ATP2B1: variants seen among roughly 807,000 people sequenced by gnomAD.
The protein encoded by ATP2B1 is ATPase plasma membrane Ca2+ transporting 1, also known as plasma membrane calcium-transporting ATPase 1.
A neutral mutation model predicts 124.2 loss-of-function variants in ATP2B1; 14 were observed. The observed-to-expected ratio is 0.11, with a 90% confidence interval of 0.07 to 0.18. The LOEUF is 0.18. ATP2B1 is among the 10% of genes least tolerant of loss of function. The probability of loss-of-function intolerance (pLI) is 1.00; values close to 1 mark genes in which losing one functional copy is unlikely to be tolerated. For missense variants in ATP2B1, 763 were observed against 1,466.1 expected, an observed-to-expected ratio of 0.52 and a Z score of 7.83; for synonymous variants, 449 against 492.4, an observed-to-expected ratio of 0.91 and a Z score of 1.17.
chr12:89,609,145 G>T (rs1014539624), intron 15 of ATP2B1, among the ~76,000 whole-genome samples: 1 of 152,076 alleles, frequency 6.6e-6, no homozygotes, highest in African/African-American at 2.4e-5. Context: ...ACTGTGATTC[G>T]GAATTCAGTC....
At chr12:89,674,706 T>A (rs1592941021) in intron 1 of ATP2B1, among the ~76,000 whole-genome samples, 1 of 152,170 alleles carries the variant, frequency 6.6e-6, no homozygotes, top group African/African-American at 2.4e-5. Context: ...GTGAGGCAGG[T>A]TAAGAAATTT....
rs909072014 is a variant in ATP2B1, at chr12:89,590,857, G to A, written c.*127C>T. 2.0e-5 allele frequency: 19 copies of A among 932,404 alleles called. No individual in the cohort carries two copies. In the South Asian group the frequency reaches 2.2e-4, roughly 11 times the overall value. The allele number at this position is 932,404 out of a possible 1,614,324, so 57.8% of individuals were successfully genotyped here. A position where few individuals can be genotyped will look rare whatever the true frequency, so the allele number is the denominator to read the frequency against. On this transcript the variant is annotated 3_prime_UTR_variant, in exon 21 of 21. Transcript: ENST00000428670. Reference sequence around the variant, plus strand: ...TTTTTAAAAAAATAAATCTACATTCGTACAAGTGTGTCTTCTGTTGAAGTC... The same window carrying A: ...TTTTTAAAAAAATAAATCTACATTCATACAAGTGTGTCTTCTGTTGAAGTC...
chr12:89,621,867 A>G, intron 9 of ATP2B1, 76 bp from the exon 10 acceptor site: 1 of 1,326,498 alleles, frequency 7.5e-7, no homozygotes, highest in Admixed American at 2.8e-5. Flanking sequence ...AATGATTATA[A>G]ATTGTTTTAA....
rs551158053 is a variant in ATP2B1 at position 89,686,251 on chromosome 12, A to G, written c.-222+22345T>C. On this transcript the variant is annotated intron_variant, in intron 1 of 20. Transcript: ENST00000428670. ...CCCTAATCCCTTGAGAAGATAAACC[A>G]AAAGTATATCCAGCTTAAGCTGTTA... Among the ~76,000 whole-genome samples the G allele has an allele frequency of 1.3e-3, 198 of 152,262 alleles. 2 individuals are homozygous for G. Among genetic ancestry groups the G allele is most frequent in the Admixed American group, 3.3e-3 (50 of 15,272 alleles).
At chr12:89,630,766 AATATAAAT>A (rs1016194734) in intron 5 of ATP2B1, 121 bp from the exon 6 acceptor site, 8 of 279,956 alleles carry the variant, frequency 2.9e-5, no homozygotes, top group South Asian at 1.8e-4. Context: ...AATATATATA[AATATAAAT>A]ATATAAATAT....
intron 2 of ATP2B1, among the ~76,000 whole-genome samples, chr12:89,646,474 G>C (rs1205659633): frequency 6.6e-6 from 1 of 152,168 alleles, no homozygotes; most frequent in Non-Finnish European, 1.5e-5. Context: ...AGCCAGTGAG[G>C]GAGGCAAGGA....
intron 20 of ATP2B1, chr12:89,598,490 A>G: frequency 7.4e-7 from 1 of 1,344,892 alleles, no homozygotes; most frequent in Non-Finnish European, 1.0e-6. Context: ...CTTTATGAAA[A>G]AGCCTGAACA....
chr12:89,629,395 T>C (rs1457440992), intron 6 of ATP2B1, among the ~76,000 whole-genome samples: 1 of 152,212 alleles, frequency 6.6e-6, no homozygotes, highest in Non-Finnish European at 1.5e-5. Flanking sequence ...GAATCATTAC[T>C]GTGCTGGTTT....
chr12:89,648,035 ATC>A (rs1247796803), intron 2 of ATP2B1, among the ~76,000 whole-genome samples: 3 of 152,144 alleles, frequency 2.0e-5, no homozygotes, highest in African/African-American at 7.2e-5. Flanking sequence ...AGCCCATTAA[ATC>A]TCTTTTCTTT....
At chr12:89,687,465 T>G (rs1890093372) in intron 1 of ATP2B1, among the ~76,000 whole-genome samples, 1 of 152,034 alleles carries the variant, frequency 6.6e-6, no homozygotes. Flanking sequence ...TGTGTGTAGG[T>G]TACATGCAAA....
chr12:89,694,783 G>A (rs1017658496), intron 1 of ATP2B1, among the ~76,000 whole-genome samples: 5 of 152,154 alleles, frequency 3.3e-5, no homozygotes, highest in Non-Finnish European at 7.4e-5. Flanking sequence ...CTGGCCAGGC[G>A]CAGTGGCTCA....
chr12:89,646,207 T>C (rs567941995), intron 2 of ATP2B1, among the ~76,000 whole-genome samples: 1 of 152,018 alleles, frequency 6.6e-6, no homozygotes, highest in Non-Finnish European at 1.5e-5. Context: ...AGGGAGGAGT[T>C]AATGGTTCTG....
At chr12:89,687,334 A>G (rs2136691775) in intron 1 of ATP2B1, among the ~76,000 whole-genome samples, 1 of 152,280 alleles carries the variant, frequency 6.6e-6, no homozygotes, top group Admixed American at 6.5e-5. Flanking sequence ...GCAGCCTAGA[A>G]GCAATAGGCT....
chr12:89,595,732 T>C (rs377408173), intron 20 of ATP2B1, among the ~76,000 whole-genome samples: 11 of 152,058 alleles, frequency 7.2e-5, no homozygotes, highest in Admixed American at 2.0e-4. Flanking sequence ...ACCAACAAGG[T>C]TGAAAGACAT....
rs1880463335 is a variant in ATP2B1, at chr12:89,624,189, T to A, written c.1338A>T (p.Ser446=). 6.2e-7 allele frequency: 1 copy of A among 1,613,772 alleles called. No homozygotes were observed. Among genetic ancestry groups the A allele is most frequent in the Non-Finnish European group, 8.5e-7 (1 of 1,179,788 alleles). ...PLAVTISLAY[S]VKKMMKDNNL... ...TGAACTATTTTCTACTTACTTTGAC[T>A]GAATAAGCCAGTGAGATCGTGACTG... is the stretch of plus-strand genomic sequence containing the variant. The change falls in exon 9 of 21, where the codon TCA becomes TCT. Residue 446 remains serine (S), a synonymous_variant. Coordinates refer to ENST00000428670, the MANE Select transcript of ATP2B1 (RefSeq NM_001366521.1).
In ATP2B1 at chr12:89,626,451, T is replaced by C. The variant is rs749430830; in HGVS notation, c.1129+3A>G. The C allele has an allele frequency of 6.9e-6, 11 of 1,602,558 alleles. No individual in the cohort carries two copies. The Admixed American group carries it at 1.1e-4, about 15-fold the overall frequency. On this transcript the variant is annotated splice_donor_region_variant and intron_variant, in intron 8 of 20. Transcript: ENST00000428670. Reference sequence around the variant, plus strand: ...ACACTTTATTTTCTTCTCTATATCATACCTGCTTTGCCAATCTGAACAGCC... The same window carrying C: ...ACACTTTATTTTCTTCTCTATATCACACCTGCTTTGCCAATCTGAACAGCC...
intron 1 of ATP2B1, among the ~76,000 whole-genome samples, chr12:89,669,668 C>T (rs1379500583): frequency 6.6e-6 from 1 of 152,134 alleles, no homozygotes; most frequent in Non-Finnish European, 1.5e-5. Flanking sequence ...TAATAAAAAA[C>T]AGTCATGAAC....
intron 1 of ATP2B1, among the ~76,000 whole-genome samples, chr12:89,685,995 T>A (rs1265654087): frequency 6.6e-6 from 1 of 152,030 alleles, no homozygotes; most frequent in Non-Finnish European, 1.5e-5. Flanking sequence ...TATGAGAAAA[T>A]AAATTTCTGT....
intron 2 of ATP2B1, among the ~76,000 whole-genome samples, chr12:89,646,111 G>C (rs181801152): frequency 2.2e-4 from 33 of 152,042 alleles, no homozygotes; most frequent in Admixed American, 4.6e-4. Context: ...GCGAGGGGGA[G>C]GGGTCTTCAA....
Sources: allele counts gnomAD v4.1 joint callset (sites outside exome capture counted in the v4.1 genomes callset), GRCh38; gene constraint gnomAD v4.1.1; transcripts MANE v1.5; gene names NCBI Gene and HGNC (gene_info 2026-07-23, HGNC 2026-07-21).